Variants in TYW1B observed in about 807,000 individuals in gnomAD.
The protein encoded by TYW1B is S-adenosyl-L-methionine-dependent tRNA 4-demethylwyosine synthase TYW1B.
Under a neutral mutation model 86.9 loss-of-function variants are expected in TYW1B, and 73 were observed. The ratio of observed to expected loss-of-function variants is 0.84; its 90% CI spans 0.70 to 1.02. TYW1B has a LOEUF of 1.02. Among genes scored for constraint, TYW1B ranks in the 50% least tolerant of loss-of-function variants. TYW1B has a pLI of 0.00. For synonymous variants in TYW1B, 248 were observed against 292.8 expected (o/e 0.85, Z 1.56); for missense variants, 637 against 827.4 (o/e 0.77, Z 2.82).
At chr7:72,828,029 C>T in intron 1 of TYW1B, 43 bp downstream of exon 1, 1 of 1,612,492 alleles carries the variant, frequency 6.2e-7, no homozygotes, top group Non-Finnish European at 8.5e-7. Context: ...AAACGTTTAC[C>T]TCCCCTGCCG....
chr7:72,694,841 T>TA lies in TYW1B; in HGVS notation c.1371-20dup, dbSNP rs782459541. On this transcript the variant is annotated intron_variant, in intron 10 of 13. Coordinates refer to ENST00000620995, the MANE Select transcript of TYW1B (RefSeq NM_001145440.3). ...GAGGTTCCTTAGTAATTTTTTTTTT[T>TA]AAAGGAAGAAAGAAAAATTATTCCT... is the stretch of plus-strand genomic sequence containing the variant. 8.2e-6 allele frequency: 13 copies of TA among 1,577,812 alleles called. No homozygotes were observed. In the East Asian group the frequency reaches 2.2e-4, roughly 27 times the overall value.
intron 6 of TYW1B, among the ~76,000 whole-genome samples, chr7:72,796,608 C>T (rs1229952440): frequency 1.3e-5 from 2 of 151,576 alleles, no homozygotes; most frequent in African/African-American, 4.8e-5. Flanking sequence ...TCAAATTGTT[C>T]CAAGTTTGGC....
chr7:72,719,518 C>A (rs1786852947), intron 9 of TYW1B, among the ~76,000 whole-genome samples: 1 of 149,296 alleles, frequency 6.7e-6, no homozygotes. Context: ...GTAATCCTAG[C>A]TATTCGGGAG....
At chr7:72,750,317 CA>C (rs1315344131) in intron 7 of TYW1B, among the ~76,000 whole-genome samples, 4 of 152,156 alleles carry the variant, frequency 2.6e-5, no homozygotes, top group African/African-American at 9.7e-5. Flanking sequence ...CATCCTTAAA[CA>C]ATATTTTGCT....
intron 10 of TYW1B, among the ~76,000 whole-genome samples, chr7:72,695,901 A>G (rs1484138816): frequency 3.3e-5 from 5 of 151,146 alleles, no homozygotes; most frequent in Admixed American, 6.6e-5. Context: ...CGACCCTACT[A>G]GATTTCTTGC....
chr7:72,643,424 T>C (rs1395655252), intron 11 of TYW1B, among the ~76,000 whole-genome samples: 1 of 151,876 alleles, frequency 6.6e-6, no homozygotes, highest in Non-Finnish European at 1.5e-5. Context: ...TCGTCTTTAC[T>C]AAAAATTCAA....
At chr7:72,747,471 T>TA (rs1299712182) in intron 7 of TYW1B, among the ~76,000 whole-genome samples, 25 of 152,088 alleles carry the variant, frequency 1.6e-4, no homozygotes, top group South Asian at 6.2e-4. Flanking sequence ...TGCATTTTTG[T>TA]AAAAAAAACA....
intron 13 of TYW1B, among the ~76,000 whole-genome samples, chr7:72,606,386 A>T (rs1379851705): frequency 6.6e-6 from 1 of 151,986 alleles, no homozygotes; most frequent in African/African-American, 2.4e-5. Context: ...ATAACGAGGC[A>T]CCCCTCTTGA....
intron 11 of TYW1B, among the ~76,000 whole-genome samples, chr7:72,681,281 T>C (rs1229313501): frequency 6.6e-6 from 1 of 152,236 alleles, no homozygotes; most frequent in Non-Finnish European, 1.5e-5. Context: ...CATGTGTCAG[T>C]CACCGTGTTA....
chr7:72,740,856 A>G lies in TYW1B; in HGVS notation c.1082+3628T>C, dbSNP rs1165970034. Among the ~76,000 whole-genome samples the G allele has an allele frequency of 8.0e-5, 12 of 149,596 alleles. No individual in the cohort carries two copies. The East Asian group carries it at 2.2e-3, about 28-fold the overall frequency. Reference sequence around the variant, plus strand: ...CGCCATTCTCCTGCCTCAGCCTCCCAAGTAGCTGGGACTACAGGTGCCCAC... The same window carrying G: ...CGCCATTCTCCTGCCTCAGCCTCCCGAGTAGCTGGGACTACAGGTGCCCAC... On this transcript the variant is annotated intron_variant, in intron 8 of 13. Coordinates refer to ENST00000620995, the MANE Select transcript of TYW1B (RefSeq NM_001145440.3).
At chr7:72,742,090 C>A (rs1787313727) in intron 8 of TYW1B, among the ~76,000 whole-genome samples, 1 of 152,058 alleles carries the variant, frequency 6.6e-6, no homozygotes, top group Non-Finnish European at 1.5e-5. Flanking sequence ...ACAAAAGTCA[C>A]CACTGTTGTA....
Position 72,694,694 on chromosome 7 carries a change from G to A in TYW1B, c.1499C>T (p.Ala500Val), listed in dbSNP as rs782474383. Reference protein sequence around the residue: ...QQFLDSLKALAVKQQRTVYRL... With the variant: ...QQFLDSLKALVVKQQRTVYRL... Reference sequence around the variant, plus strand: ...AGATGTCATAATTCTTACCTTGACTGCCAAGGCTTTTAAACTGTCAAGGAA... The same window carrying A: ...AGATGTCATAATTCTTACCTTGACTACCAAGGCTTTTAAACTGTCAAGGAA... The change falls in exon 11 of 14, where the codon GCA becomes GTA. Residue 500 changes from alanine to valine, a missense_variant. Physicochemically the swap from Ala to Val is moderately conservative, Grantham distance 64. Coordinates refer to ENST00000620995, the MANE Select transcript of TYW1B (RefSeq NM_001145440.3). The A allele has an allele frequency of 2.5e-6, 4 of 1,608,514 alleles. No homozygotes were observed. Among genetic ancestry groups the A allele is most frequent in the South Asian group, 2.2e-5 (2 of 89,340 alleles).
chr7:72,812,268 T>C (rs1788635615), intron 3 of TYW1B, among the ~76,000 whole-genome samples: 2 of 152,178 alleles, frequency 1.3e-5, no homozygotes, highest in Admixed American at 1.3e-4. Context: ...ACAATATTTT[T>C]GACAATTTCA....
chr7:72,692,867 T>C (rs1357900732), intron 11 of TYW1B, among the ~76,000 whole-genome samples: 3 of 152,086 alleles, frequency 2.0e-5, no homozygotes, highest in Admixed American at 1.3e-4. Context: ...AATGGCAACG[T>C]AAGCAGGGAA....
chr7:72,672,091 A>G (rs1452839957), intron 11 of TYW1B, among the ~76,000 whole-genome samples: 8 of 152,252 alleles, frequency 5.3e-5, no homozygotes, highest in East Asian at 1.9e-4. Flanking sequence ...GTGATAGTGA[A>G]TAAGTCTCAT....
intron 9 of TYW1B, among the ~76,000 whole-genome samples, chr7:72,717,286 G>A (rs13308970): frequency 2.0e-5 from 3 of 150,442 alleles, no homozygotes; most frequent in Admixed American, 1.3e-4. Flanking sequence ...GGGCAACAGG[G>A]CAAGACCCTG....
intron 6 of TYW1B, among the ~76,000 whole-genome samples, chr7:72,798,135 G>A (rs1554474799): frequency 6.6e-6 from 1 of 152,040 alleles, no homozygotes; most frequent in Non-Finnish European, 1.5e-5. Flanking sequence ...CGGGCGCGGT[G>A]GCTCATGCCT....
intron 11 of TYW1B, among the ~76,000 whole-genome samples, chr7:72,638,422 G>A (rs148148170): frequency 9.2e-3 from 1,349 of 146,182 alleles, no homozygotes; most frequent in African/African-American, 0.035. Context: ...GGAAAATCAC[G>A]TGATTATATC....
At chr7:72,719,649 A>G (rs1554456936) in intron 9 of TYW1B, among the ~76,000 whole-genome samples, 1 of 150,486 alleles carries the variant, frequency 6.6e-6, no homozygotes, top group African/African-American at 2.4e-5. Context: ...AAAAAAAAAA[A>G]AAAAGAAGGT....
Sources: allele counts gnomAD v4.1 joint callset (sites outside exome capture counted in the v4.1 genomes callset), GRCh38; gene constraint gnomAD v4.1.1; transcripts MANE v1.5; gene names NCBI Gene and HGNC (gene_info 2026-07-23, HGNC 2026-07-21).